Variants in ORC5 observed in about 807,000 individuals in gnomAD.
ORC5 encodes origin recognition complex subunit 5, also known as protein phosphatase 1, regulatory subunit 117.
In ORC5, 39 loss-of-function variants were observed where a neutral mutation model predicts 58.8. That is an observed-to-expected ratio of 0.66 (90% confidence interval 0.51 to 0.87). The LOEUF (loss-of-function observed/expected upper bound fraction) is 0.87, where lower values mean the gene tolerates loss of function less well. Ranked by LOEUF, ORC5 falls within the 40% of genes least tolerant of loss-of-function variation. ORC5 has a pLI of 0.00. For synonymous variants in ORC5, 218 were observed against 177.6 expected, an observed-to-expected ratio of 1.23 and a Z score of -1.81; for missense variants, 493 against 506.3, an observed-to-expected ratio of 0.97 and a Z score of 0.25.
intron 4 of ORC5, among the ~76,000 whole-genome samples, chr7:104,196,470 C>G (rs1799803879): frequency 1.3e-5 from 2 of 152,130 alleles, no homozygotes; most frequent in Admixed American, 1.3e-4. Context: ...GGTTAACTTC[C>G]AGAATAGGCC....
chr7:104,145,907 G>A (rs890982878), intron 12 of ORC5, among the ~76,000 whole-genome samples: 3 of 152,114 alleles, frequency 2.0e-5, no homozygotes, highest in African/African-American at 7.2e-5. Flanking sequence ...GAATCCTGAC[G>A]AAAGATCTGG....
rs1562834582 is a variant in ORC5, at chr7:104,207,946, A to C, written c.-42T>G. 1 of 1,581,744 alleles carries C rather than the reference A, an allele frequency of 6.3e-7. No individual in the cohort carries two copies. The highest frequency in any genetic ancestry group is 1.7e-5 in the Admixed American group (1 of 59,888). ...GCAGAGGCCAGTGCAGCCAGCCCAC[A>C]GGACCCTTGCACAAGACGGAGCCTC... On this transcript the variant is annotated 5_prime_UTR_variant, in exon 1 of 14. Coordinates refer to ENST00000297431, the MANE Select transcript of ORC5 (RefSeq NM_002553.4).
intron 12 of ORC5, among the ~76,000 whole-genome samples, chr7:104,156,309 T>G (rs1798924401): frequency 6.6e-6 from 1 of 151,770 alleles, no homozygotes; most frequent in Non-Finnish European, 1.5e-5. Context: ...TAACATAAAA[T>G]GTTAAATGTG....
intron 12 of ORC5, among the ~76,000 whole-genome samples, chr7:104,142,226 C>A (rs1446149870): frequency 6.6e-6 from 1 of 152,056 alleles, no homozygotes; most frequent in African/African-American, 2.4e-5. Flanking sequence ...TTACACCATA[C>A]ACAAAAATTA....
At position 104,207,854 on chromosome 7, in the gene ORC5, G is replaced by A. The variant is rs1436433646; in HGVS notation, c.51C>T (p.Ile17=). The A allele has an allele frequency of 6.2e-7, 1 of 1,614,192 alleles. No individual in the cohort carries two copies. The highest frequency in any genetic ancestry group is 1.1e-5 in the South Asian group (1 of 91,082). The part of the protein sequence containing the change: ...VVLCRESQVS[I]LQSLFGERHH... ...ATACCTCTCCAAACAAGGACTGCAA[G>A]ATGGACACTTGAGACTCGCGACAAA... The change falls in exon 1 of 14, where the codon ATC becomes ATT. Residue 17 remains isoleucine (I), a synonymous_variant. Transcript: ENST00000297431.
At chr7:104,166,385 C>T (rs961163980) in intron 10 of ORC5, among the ~76,000 whole-genome samples, 19 of 152,304 alleles carry the variant, frequency 1.2e-4, no homozygotes, top group Middle Eastern at 6.8e-3. Flanking sequence ...CAACTCTAAA[C>T]TGGGATTTCT....
At chr7:104,170,615 C>T (rs1245104019) in intron 8 of ORC5, among the ~76,000 whole-genome samples, 1 of 152,148 alleles carries the variant, frequency 6.6e-6, no homozygotes, top group East Asian at 1.9e-4. Context: ...TTCTGACATA[C>T]AAAACTGTAA....
intron 6 of ORC5, 53 bp from the exon 7 acceptor site, chr7:104,184,224 T>C (rs756082614): frequency 1.8e-6 from 2 of 1,112,166 alleles, no homozygotes; most frequent in Non-Finnish European, 2.6e-6. Flanking sequence ...CGATCACAAT[T>C]AGAAATTTAT....
chr7:104,199,557 CTTTG>C (rs1321121214), intron 3 of ORC5, among the ~76,000 whole-genome samples: 1 of 152,222 alleles, frequency 6.6e-6, no homozygotes, highest in Non-Finnish European at 1.5e-5. Flanking sequence ...CCTACAGCCC[CTTTG>C]TTTGGGCCAA....
intron 13 of ORC5, among the ~76,000 whole-genome samples, chr7:104,127,746 C>G (rs918692874): frequency 6.6e-6 from 1 of 152,126 alleles, no homozygotes; most frequent in African/African-American, 2.4e-5. Flanking sequence ...TTGCAATATA[C>G]TTTCTAAAAA....
chr7:104,131,345 G>A (rs980718767), intron 13 of ORC5, among the ~76,000 whole-genome samples: 5 of 151,990 alleles, frequency 3.3e-5, no homozygotes, highest in Non-Finnish European at 7.4e-5. Flanking sequence ...AGAAGATTCC[G>A]CTCTCTCATC....
intron 5 of ORC5, among the ~76,000 whole-genome samples, chr7:104,193,387 T>C (rs374720752): frequency 3.3e-5 from 5 of 151,960 alleles, no homozygotes. Flanking sequence ...CTATCCAAAC[T>C]GACACAATAA....
At chr7:104,181,489 G>T (rs1167416282) in intron 8 of ORC5, among the ~76,000 whole-genome samples, 1 of 152,066 alleles carries the variant, frequency 6.6e-6, no homozygotes, top group East Asian at 1.9e-4. Context: ...TATCATATTA[G>T]AAAATGTGCA....
intron 13 of ORC5, among the ~76,000 whole-genome samples, chr7:104,128,414 C>T (rs572632269): frequency 1.2e-4 from 19 of 152,260 alleles, no homozygotes; most frequent in South Asian, 4.1e-4. Flanking sequence ...TGAGCCACCG[C>T]GCCCAGCCAA....
At chr7:104,150,107 G>C (rs987624208) in intron 12 of ORC5, among the ~76,000 whole-genome samples, 6 of 152,056 alleles carry the variant, frequency 3.9e-5, no homozygotes, top group African/African-American at 1.2e-4. Flanking sequence ...AGCTGGAAAT[G>C]CTTGATGTAA....
rs1405200294 is a variant in ORC5, at chr7:104,138,818, TAAA to T, written c.1150-1928_1150-1926del. Among the ~76,000 whole-genome samples, 2 of 152,212 alleles carry T rather than the reference TAAA, an allele frequency of 1.3e-5. No individual in the cohort carries two copies. Among genetic ancestry groups the T allele is most frequent in the African/African-American group, 4.8e-5 (2 of 41,460 alleles). On this transcript the variant is annotated intron_variant, in intron 12 of 13. Transcript: ENST00000297431. This position sits in a 1 kb window ranked among gnomAD's most constrained non-coding sequence, Gnocchi z 4.7. ...GAGCCCCCGCACCCAACCATTGCTT[TAAA>T]ACTTATTGCTGATCGTGTACTCAGG... is the stretch of plus-strand genomic sequence containing the variant.
At position 104,197,503 on chromosome 7, in the gene ORC5, A is replaced by C. The variant is rs571952302; in HGVS notation, c.441+222T>G. Reference sequence around the variant, plus strand: ...ACTTTTAATAGAAAGCAGTGACTTCATAATTACAGAGAAAAAGCTAAAATA... The same window carrying C: ...ACTTTTAATAGAAAGCAGTGACTTCCTAATTACAGAGAAAAAGCTAAAATA... On this transcript the variant is annotated intron_variant, in intron 4 of 13. Coordinates refer to ENST00000297431, the MANE Select transcript of ORC5 (RefSeq NM_002553.4). Among the ~76,000 whole-genome samples, 5 of 152,340 alleles carry C rather than the reference A, an allele frequency of 3.3e-5. No homozygotes were observed. In the East Asian group the frequency reaches 9.6e-4, roughly 29 times the overall value.
intron 5 of ORC5, among the ~76,000 whole-genome samples, chr7:104,192,241 A>G (rs578214784): frequency 6.6e-6 from 1 of 152,310 alleles, no homozygotes; most frequent in Admixed American, 6.5e-5. Flanking sequence ...AAATCTGTAC[A>G]GGGGTTCCCC....
At chr7:104,153,157 A>G (rs532026173) in intron 12 of ORC5, among the ~76,000 whole-genome samples, 6 of 152,318 alleles carry the variant, frequency 3.9e-5, no homozygotes, top group African/African-American at 1.2e-4. Flanking sequence ...ATTCCTTACA[A>G]CAGTAGTACA....
Sources: allele counts gnomAD v4.1 joint callset (sites outside exome capture counted in the v4.1 genomes callset), GRCh38; gene constraint gnomAD v4.1.1; non-coding constraint Gnocchi (gnomAD v3.1); transcripts MANE v1.5; gene names NCBI Gene and HGNC (gene_info 2026-07-23, HGNC 2026-07-21).